RGS6: variants seen among roughly 807,000 people sequenced by gnomAD.
The protein encoded by RGS6 is regulator of G protein signaling 6, also known as regulator of G-protein signaling 6.
In RGS6, 30 loss-of-function variants were observed where a neutral mutation model predicts 78.5. That is an observed-to-expected ratio of 0.38 (90% CI 0.29 to 0.52). The LOEUF (loss-of-function observed/expected upper bound fraction) is 0.52. RGS6 is among the 20% of genes least tolerant of loss of function. The pLI is 0.85. For missense variants in RGS6, 495 were observed against 609.7 expected (o/e 0.81, Z 1.98); for synonymous variants, 206 against 206.0 (o/e 1.00, Z 0.00).
intron 2 of RGS6, among the ~76,000 whole-genome samples, chr14:72,021,150 C>CT (rs1368840221): frequency 3.3e-5 from 5 of 152,146 alleles, no homozygotes; most frequent in African/African-American, 4.8e-5. Context: ...CTTCTCTTCA[C>CT]TTTTCTTTTC....
At chr14:72,066,767 T>C (rs974593345) in intron 2 of RGS6, among the ~76,000 whole-genome samples, 1 of 152,024 alleles carries the variant, frequency 6.6e-6, no homozygotes, top group African/African-American at 2.4e-5. Flanking sequence ...TGAATAATTA[T>C]ATATTTTTTC....
chr14:72,583,985 T>C, the RGS6 span, among the ~76,000 whole-genome samples: 4 of 152,074 alleles, frequency 2.6e-5, no homozygotes, highest in Non-Finnish European at 5.9e-5. Flanking sequence ...GAAAACAAAA[T>C]GAGAAAGAAT....
At chr14:72,239,457 G>T (rs1438009203) in intron 2 of RGS6, among the ~76,000 whole-genome samples, 1 of 152,176 alleles carries the variant, frequency 6.6e-6, no homozygotes, top group Admixed American at 6.5e-5. Context: ...GGTGCCCTTG[G>T]ACTGGCTGCT....
chr14:72,485,642 G>T (rs2096474206), intron 12 of RGS6, among the ~76,000 whole-genome samples: 1 of 152,130 alleles, frequency 6.6e-6, no homozygotes, highest in East Asian at 1.9e-4. Flanking sequence ...CAACTGTATT[G>T]GTTTGATTCC....
At chr14:72,182,186 G>C (rs1415475128) in intron 2 of RGS6, among the ~76,000 whole-genome samples, 1 of 152,078 alleles carries the variant, frequency 6.6e-6, no homozygotes, top group Non-Finnish European at 1.5e-5. Context: ...GAGGTGGGCG[G>C]ATCATGCGGT....
At chr14:72,596,282 A>C in the RGS6 span, among the ~76,000 whole-genome samples, 7 of 152,066 alleles carry the variant, frequency 4.6e-5, no homozygotes, top group African/African-American at 1.7e-4. Context: ...GATCTTTCTC[A>C]CATCCCATTA....
intron 3 of RGS6, among the ~76,000 whole-genome samples, chr14:72,438,411 A>G (rs1350270128): frequency 6.6e-6 from 1 of 152,086 alleles, no homozygotes; most frequent in Non-Finnish European, 1.5e-5. Context: ...ACAAATCCAG[A>G]TTCAACAGCC....
At chr14:71,965,481 A>C (rs1219292051) in intron 2 of RGS6, among the ~76,000 whole-genome samples, 1 of 152,190 alleles carries the variant, frequency 6.6e-6, no homozygotes, top group African/African-American at 2.4e-5. Flanking sequence ...GAGAGGAAGA[A>C]CATACCAGGT....
chr14:72,025,041 A>G (rs8022771), intron 2 of RGS6, among the ~76,000 whole-genome samples: 146,422 of 152,290 alleles, frequency 0.96, 70,453 homozygotes, highest in East Asian at 0.99. Context: ...AGCTAGGGAC[A>G]GAGAGGCTGA....
chr14:72,573,183 A>G, the RGS6 span, among the ~76,000 whole-genome samples: 1 of 152,360 alleles, frequency 6.6e-6, no homozygotes, highest in East Asian at 1.9e-4. Flanking sequence ...CTTATAGGAA[A>G]AAAGGAATTT....
intron 2 of RGS6, among the ~76,000 whole-genome samples, chr14:72,067,434 C>G (rs1201507258): frequency 2.6e-5 from 4 of 152,146 alleles, no homozygotes; most frequent in Non-Finnish European, 5.9e-5. Context: ...ACCTATGTAA[C>G]AAACCTGCAC....
At chr14:72,397,977 A>G (rs1195456374) in intron 3 of RGS6, among the ~76,000 whole-genome samples, 2 of 152,214 alleles carry the variant, frequency 1.3e-5, no homozygotes, top group Middle Eastern at 3.4e-3. Flanking sequence ...GAATTTTTGC[A>G]TCGGTGTTCA....
chr14:72,439,571 C>T (rs558152919), intron 3 of RGS6, among the ~76,000 whole-genome samples: 4 of 152,344 alleles, frequency 2.6e-5, no homozygotes, highest in East Asian at 1.9e-4. Flanking sequence ...ACAAGGCTAT[C>T]GCTAAGCCTA....
chr14:71,877,564 G>T, the RGS6 span, among the ~76,000 whole-genome samples: 1 of 152,152 alleles, frequency 6.6e-6, no homozygotes, highest in Non-Finnish European at 1.5e-5. Flanking sequence ...GTTTATTCTA[G>T]TTAGCCATTC....
At chr14:72,582,746 G>C in the RGS6 span, among the ~76,000 whole-genome samples, 8 of 152,128 alleles carry the variant, frequency 5.3e-5, no homozygotes, top group Non-Finnish European at 1.0e-4. Context: ...GGTATTGGAT[G>C]AATGACATGG....
chr14:72,112,336 A>G (rs2095787555), intron 2 of RGS6, among the ~76,000 whole-genome samples: 1 of 152,084 alleles, frequency 6.6e-6, no homozygotes, highest in African/African-American at 2.4e-5. Flanking sequence ...CGTGCTCCCC[A>G]TATTAGGCTG....
intron 2 of RGS6, among the ~76,000 whole-genome samples, chr14:72,126,311 G>T (rs576055566): frequency 1.6e-3 from 250 of 152,350 alleles, no homozygotes; most frequent in Non-Finnish European, 2.0e-3. Context: ...GCTGTGAGTG[G>T]CCCATGCTGT....
rs570869423 is a variant in RGS6 at position 72,012,146 on chromosome 14, G to C, written c.84+47271G>C. On this transcript the variant is annotated intron_variant, in intron 2 of 17. Transcript: ENST00000553525. The stretch of plus-strand genomic sequence containing the variant: ...ATATTATTTTGGATATAAGTGATTT[G>C]ATTGGCACTTCTCATTTAATTGCTT... 3.0e-4 allele frequency among the ~76,000 whole-genome samples: 46 copies of C among 152,176 alleles called. No homozygotes were observed. In the South Asian group the frequency reaches 9.3e-3, roughly 31 times the overall value.
chr14:72,331,370 C>T (rs574994441), intron 2 of RGS6, among the ~76,000 whole-genome samples: 5 of 152,206 alleles, frequency 3.3e-5, no homozygotes, highest in African/African-American at 7.2e-5. Context: ...TAAACTAAGC[C>T]AACAGACTGT....
Sources: gnomAD v4.1 joint callset for allele counts (sites outside exome capture counted in the v4.1 genomes callset) on GRCh38, gnomAD v4.1.1 for gene constraint, MANE v1.5 for transcripts, NCBI Gene and HGNC (gene_info 2026-07-23, HGNC 2026-07-21) for gene names.